The following NECAB2 variants were observed in gnomAD, a reference collection of about 807,000 sequenced individuals.
The protein encoded by NECAB2 is N-terminal EF-hand calcium binding protein 2, also known as N-terminal EF-hand calcium-binding protein 2.
Under a neutral mutation model 51.9 loss-of-function variants are expected in NECAB2, and 68 were observed. That is an observed-to-expected ratio of 1.31 (90% CI 1.08 to 1.60). The LOEUF is 1.60. Ranked by LOEUF, NECAB2 falls within the 40% of genes most tolerant of loss-of-function variation. The pLI is 0.00. For synonymous variants in NECAB2, 329 were observed against 203.5 expected (o/e 1.62, Z -5.25); for missense variants, 854 against 490.3 (o/e 1.74, Z -7.00).
At chr16:83,975,177 A>AGGTGTGC (rs2084394687) in intron 2 of NECAB2, among the ~76,000 whole-genome samples, 2 of 130,352 alleles carry the variant, frequency 1.5e-5, no homozygotes, top group African/African-American at 6.9e-5. Context: ...CAGGGATGGG[A>AGGTGTGC]ACAGGTGTGC....
At chr16:83,997,807 C>A (rs1226318828) in intron 9 of NECAB2, among the ~76,000 whole-genome samples, 1 of 152,096 alleles carries the variant, frequency 6.6e-6, no homozygotes, top group African/African-American at 2.4e-5. Context: ...GGCTCCTGGA[C>A]TTTGATCCAA....
At position 83,998,824 on chromosome 16, in the gene NECAB2, T is replaced by C. The variant is rs58189215; in HGVS notation, c.962+507T>C. 7.6e-3 allele frequency among the ~76,000 whole-genome samples: 1,121 copies of C among 147,230 alleles called. 9 individuals are homozygous for C. Among genetic ancestry groups the C allele is most frequent in the African/African-American group, 0.026 (1,032 of 39,126 alleles). ...CTTCTCCCCCTGATGTGCTGAGATG[T>C]CCAGGGCGGGGCAAGCGGCCTTACC... On this transcript the variant is annotated intron_variant, in intron 10 of 12. Coordinates refer to ENST00000305202, the MANE Select transcript of NECAB2 (RefSeq NM_019065.3).
chr16:83,975,478 C>T (rs907557592), intron 2 of NECAB2, among the ~76,000 whole-genome samples: 1 of 152,128 alleles, frequency 6.6e-6, no homozygotes, highest in Non-Finnish European at 1.5e-5. Context: ...GATGGGATGC[C>T]TCAGGGGAGC....
intron 10 of NECAB2, among the ~76,000 whole-genome samples, chr16:83,998,908 T>G (rs887532660): frequency 2.0e-5 from 3 of 152,210 alleles, no homozygotes; most frequent in African/African-American, 4.8e-5. Context: ...CTAAGGCATG[T>G]GGCCAGGGCC....
intron 5 of NECAB2, among the ~76,000 whole-genome samples, chr16:83,987,156 G>T (rs375179560): frequency 6.6e-6 from 1 of 152,182 alleles, no homozygotes; most frequent in East Asian, 1.9e-4. Context: ...AATAAGGAAA[G>T]ACTTAGATAA....
intron 3 of NECAB2, among the ~76,000 whole-genome samples, chr16:83,979,155 A>T (rs2084453508): frequency 6.6e-6 from 1 of 151,776 alleles, no homozygotes; most frequent in Non-Finnish European, 1.5e-5. Context: ...TCCCAGCCTC[A>T]CCTCCAATCT....
chr16:83,981,003 C>T lies in NECAB2; in HGVS notation c.362-27C>T, dbSNP rs370459746. 566 of 1,610,540 alleles carry T rather than the reference C, an allele frequency of 3.5e-4. 1 individual carries two copies. Among genetic ancestry groups the T allele is most frequent in the Non-Finnish European group, 4.7e-4 (552 of 1,176,944 alleles). On this transcript the variant is annotated intron_variant, in intron 4 of 12. Coordinates refer to ENST00000305202, the MANE Select transcript of NECAB2 (RefSeq NM_019065.3). ...GAGTGGGAGGGGCAGGACCTGTGAC[C>T]CCTGACCTTTGCCTTTCCTTCCCCA... is the stretch of plus-strand genomic sequence containing the variant.
intron 9 of NECAB2, among the ~76,000 whole-genome samples, chr16:83,997,772 C>A (rs564800273): frequency 2.0e-5 from 3 of 151,996 alleles, no homozygotes; most frequent in Non-Finnish European, 2.9e-5. Flanking sequence ...AGATTACAGG[C>A]GTGAGCCACC....
intron 9 of NECAB2, among the ~76,000 whole-genome samples, chr16:83,997,952 A>G (rs1362928255): frequency 6.6e-6 from 1 of 152,168 alleles, no homozygotes; most frequent in Non-Finnish European, 1.5e-5. Flanking sequence ...GGTTGTGGAC[A>G]TGGATGGGGC....
upstream of NECAB2, chr16:83,965,707 G>C: frequency 1.2e-6 from 2 of 1,613,656 alleles, no homozygotes; most frequent in South Asian, 2.2e-5. Flanking sequence ...CCGTGTTCCA[G>C]GACCTCGAGG....
chr16:83,984,596 G>A (rs1380541834), intron 5 of NECAB2, among the ~76,000 whole-genome samples: 1 of 152,010 alleles, frequency 6.6e-6, no homozygotes, highest in Non-Finnish European at 1.5e-5. Context: ...CGAGCATGGT[G>A]GGATGTGTCT....
rs139863929 is a variant in NECAB2, at chr16:83,997,268, T to A, written c.848T>A (p.Met283Lys). 138 of 1,614,078 alleles carry A rather than the reference T, an allele frequency of 8.5e-5. No individual in the cohort carries two copies. The African/African-American group carries it at 1.3e-3, about 16-fold the overall frequency. ...CTGTCAGATGAAGATGGCACCAACA[T>A]GGTGAGGCCCCTTCCCACCTCTCTT... ...QRLSDEDGTNMHLQLVRQEMA... is the reference protein window; with the variant it reads ...QRLSDEDGTNKHLQLVRQEMA... The change falls in exon 9 of 13, where the codon ATG becomes AAG. Residue 283 changes from methionine (M) to lysine (K), a missense_variant and splice_region_variant. By Grantham distance (95) the Met-to-Lys change is moderately conservative. Transcript: ENST00000305202.
intron 8 of NECAB2, among the ~76,000 whole-genome samples, chr16:83,995,963 G>C (rs2084692591): frequency 6.6e-6 from 1 of 152,228 alleles, no homozygotes. Flanking sequence ...CTAACAACCA[G>C]GCTGGCTGGT....
intron 9 of NECAB2, 52 bp downstream of exon 9, chr16:83,997,321 G>C: frequency 1.2e-6 from 2 of 1,610,720 alleles, no homozygotes; most frequent in Non-Finnish European, 1.7e-6. Flanking sequence ...CCCATGCCAG[G>C]ACTGCCAAGA....
At chr16:83,999,824 T>TGAGAG (rs1567680303) in intron 10 of NECAB2, among the ~76,000 whole-genome samples, 2 of 152,064 alleles carry the variant, frequency 1.3e-5, no homozygotes, top group African/African-American at 2.4e-5. Flanking sequence ...AAGGATTAAA[T>TGAGAG]GAGAGGACAA....
At chr16:83,993,983 G>C (rs915138665) in intron 6 of NECAB2, among the ~76,000 whole-genome samples, 5 of 152,264 alleles carry the variant, frequency 3.3e-5, no homozygotes, top group Non-Finnish European at 5.9e-5. Context: ...CGAAAGCTTC[G>C]AGCTGTTAGA....
At position 83,994,349 on chromosome 16, in the gene NECAB2, G is replaced by A; in HGVS notation, c.644G>A (p.Gly215Glu). The change falls in exon 7 of 13, where the codon GGA becomes GAA. Residue 215 changes from glycine (G) to glutamate (E), a missense_variant. Gly to Glu is a moderately conservative substitution (Grantham distance 98). Transcript: ENST00000305202. Reference protein sequence around the residue: ...PSHSAAQTWCGSPTPASAPNH... With the variant: ...PSHSAAQTWCESPTPASAPNH... ...CACAGCGCGGCACAGACCTGGTGTG[G>A]AAGCCCCACTCCCGCCTCTGCCCCC... 6.2e-7 allele frequency: 1 copy of A among 1,614,158 alleles called. No homozygotes were observed. Among genetic ancestry groups the A allele is most frequent in the Non-Finnish European group, 8.5e-7 (1 of 1,180,024 alleles).
intron 11 of NECAB2, 27 bp downstream of exon 11, chr16:84,000,828 TGAGGGAGACAGAGGGAAG>T (rs764395989): frequency 2.5e-6 from 4 of 1,603,570 alleles, no homozygotes; most frequent in Non-Finnish European, 3.4e-6. Context: ...CCACAGCAGG[TGAGGGAGACAGAGGGAAG>T]TGGGGGGGCT....
chr16:83,998,147 G>GTGTT, intron 9 of NECAB2, 58 bp from the exon 10 acceptor site: 2 of 1,501,838 alleles, frequency 1.3e-6, no homozygotes, highest in Non-Finnish European at 1.8e-6. Context: ...GCCTGATGGG[G>GTGTT]TGTTTAGGGA....
Sources: allele counts gnomAD v4.1 joint callset (sites outside exome capture counted in the v4.1 genomes callset), GRCh38; gene constraint gnomAD v4.1.1; transcripts MANE v1.5; gene names NCBI Gene and HGNC (gene_info 2026-07-23, HGNC 2026-07-21).